ASCC1: variants seen among roughly 807,000 people sequenced by gnomAD.
ASCC1 encodes the protein activating signal cointegrator 1 complex subunit 1, also known as ASC-1 complex subunit P50.
Under a neutral mutation model 46.6 loss-of-function variants are expected in ASCC1, and 35 were observed. That is an observed-to-expected ratio of 0.75 (90% CI 0.57 to 0.99). The LOEUF (loss-of-function observed/expected upper bound fraction) is 0.99. Ranked by LOEUF, ASCC1 falls within the 50% of genes least tolerant of loss-of-function variation. The pLI, the probability that ASCC1 is intolerant of heterozygous loss-of-function variation, is 0.00. For synonymous variants in ASCC1, 143 were observed against 146.6 expected (o/e 0.98, Z 0.18); for missense variants, 376 against 428.7 (o/e 0.88, Z 1.09).
At chr10:72,105,686 C>G (rs1391765908) in intron 9 of ASCC1, among the ~76,000 whole-genome samples, 1 of 152,140 alleles carries the variant, frequency 6.6e-6, no homozygotes, top group African/African-American at 2.4e-5. Context: ...TCAGTTTGTA[C>G]ATGTTTCTTT....
chr10:72,193,457 CACA>C (rs911107046), intron 5 of ASCC1, among the ~76,000 whole-genome samples: 9 of 151,548 alleles, frequency 5.9e-5, no homozygotes, highest in African/African-American at 1.9e-4. Context: ...CACACACACA[CACA>C]CACACACACA....
intron 5 of ASCC1, among the ~76,000 whole-genome samples, chr10:72,192,055 G>A (rs1854599499): frequency 6.6e-6 from 1 of 151,952 alleles, no homozygotes; most frequent in Non-Finnish European, 1.5e-5. Context: ...ACGAATAAGA[G>A]AATGAAAAGA....
At chr10:72,116,162 A>C (rs1843471764) in intron 9 of ASCC1, among the ~76,000 whole-genome samples, 1 of 152,240 alleles carries the variant, frequency 6.6e-6, no homozygotes, top group African/African-American at 2.4e-5. Flanking sequence ...TTTTTATTTC[A>C]ACATAGTTTT....
At chr10:72,109,451 G>C (rs1379685900) in intron 9 of ASCC1, among the ~76,000 whole-genome samples, 1 of 152,186 alleles carries the variant, frequency 6.6e-6, no homozygotes, top group African/African-American at 2.4e-5. Context: ...TCACCTGCCT[G>C]TCTTGCTGCA....
In ASCC1 at chr10:72,112,266, A is replaced by C. The variant is rs138168464; in HGVS notation, c.958-14816T>G. ...CCTTAATAAGGAATGAAATTCTGACATATGCTACAACATAGGTGAACCTTG... is the reference window on the plus strand; with the variant it reads ...CCTTAATAAGGAATGAAATTCTGACCTATGCTACAACATAGGTGAACCTTG... On this transcript the variant is annotated intron_variant, in intron 9 of 9. Transcript: ENST00000672957. Among the ~76,000 whole-genome samples the C allele has an allele frequency of 1.7e-4, 26 of 152,366 alleles. No individual in the cohort carries two copies. The East Asian group carries it at 5.0e-3, about 29-fold the overall frequency.
chr10:72,130,083 T>C (rs1845414523), intron 8 of ASCC1, among the ~76,000 whole-genome samples: 1 of 151,018 alleles, frequency 6.6e-6, no homozygotes, highest in Non-Finnish European at 1.5e-5. Context: ...TTATGCTAAG[T>C]GAAAGCAGCC....
At chr10:72,155,835 C>G (rs914554507) in intron 6 of ASCC1, among the ~76,000 whole-genome samples, 27 of 152,128 alleles carry the variant, frequency 1.8e-4, no homozygotes, top group Admixed American at 6.5e-5. Context: ...TTCTCCAAAC[C>G]CCAAGGGGAT....
At chr10:72,189,885 A>ATT in intron 5 of ASCC1, 1 of 624,412 alleles carries the variant, frequency 1.6e-6, no homozygotes, top group South Asian at 1.8e-5. Flanking sequence ...TGTCTTCACT[A>ATT]TAAGATTAAG....
At chr10:72,114,385 G>C (rs535108286) in intron 9 of ASCC1, among the ~76,000 whole-genome samples, 3 of 152,272 alleles carry the variant, frequency 2.0e-5, no homozygotes, top group African/African-American at 7.2e-5. Flanking sequence ...CAGCATTTTG[G>C]GAGGCCGAGG....
At chr10:72,165,925 T>C (rs886779911) in intron 5 of ASCC1, among the ~76,000 whole-genome samples, 1 of 152,244 alleles carries the variant, frequency 6.6e-6, no homozygotes, top group African/African-American at 2.4e-5. Flanking sequence ...TGTTGGGCCC[T>C]TGCTCTGCTC....
rs1668154 is a variant in ASCC1 at position 72,102,274 on chromosome 10, C to T, written c.958-4824G>A. 0.41 allele frequency: 588,519 copies of T among 1,437,430 alleles called. 124,738 individuals carry two copies. Among genetic ancestry groups the T allele is most frequent in the Middle Eastern group, 0.48 (2,800 of 5,776 alleles). The allele number at this position is 1,437,430 out of a possible 1,614,324, so 89.0% of individuals were successfully genotyped here. A position where few individuals can be genotyped will look rare whatever the true frequency, so the allele number is the denominator to read the frequency against. ...GTAACAGAACATTTTTGAAAGGGAG[C>T]TACTTCATGGGGAAAACAACAAGTT... On this transcript the variant is annotated intron_variant, in intron 9 of 9. Coordinates refer to ENST00000672957, the MANE Select transcript of ASCC1 (RefSeq NM_001198800.3).
chr10:72,180,989 C>CA (rs942504479), intron 5 of ASCC1: 1 of 161,526 alleles, frequency 6.2e-6, no homozygotes, highest in African/African-American at 2.4e-5. Flanking sequence ...TTTTTGGAGA[C>CA]AGAGTCTCAC....
intron 5 of ASCC1, among the ~76,000 whole-genome samples, chr10:72,164,152 G>T (rs1850054989): frequency 6.6e-6 from 1 of 151,818 alleles, no homozygotes; most frequent in Non-Finnish European, 1.5e-5. Context: ...TTGTAGACAG[G>T]GTTTTTACCA....
intron 6 of ASCC1, among the ~76,000 whole-genome samples, chr10:72,161,039 C>A (rs1483886957): frequency 6.6e-6 from 1 of 151,816 alleles, no homozygotes; most frequent in South Asian, 2.1e-4. Context: ...GCCGAGATTG[C>A]GCCACTGCAC....
At chr10:72,148,968 G>A (rs1214369813) in intron 7 of ASCC1, among the ~76,000 whole-genome samples, 2 of 152,102 alleles carry the variant, frequency 1.3e-5, no homozygotes, top group African/African-American at 4.8e-5. Flanking sequence ...GTATCTGTGA[G>A]GCTGGATTTT....
At chr10:72,109,771 A>G (rs886515199) in intron 9 of ASCC1, among the ~76,000 whole-genome samples, 2 of 152,222 alleles carry the variant, frequency 1.3e-5, no homozygotes, top group Non-Finnish European at 2.9e-5. Flanking sequence ...GCAGTCTTTC[A>G]ATTTTGAAAA....
chr10:72,124,548 T>C (rs538725552), intron 9 of ASCC1, among the ~76,000 whole-genome samples: 2 of 152,296 alleles, frequency 1.3e-5, no homozygotes, highest in South Asian at 4.1e-4. Flanking sequence ...ATACTGATTC[T>C]ATTGCTTAAG....
At chr10:72,125,541 C>T (rs1339975207) in intron 9 of ASCC1, among the ~76,000 whole-genome samples, 6 of 152,264 alleles carry the variant, frequency 3.9e-5, no homozygotes, top group East Asian at 1.9e-4. Context: ...TTGAGAAAGA[C>T]GTGTCCATTC....
rs7092515 is a variant in ASCC1, at chr10:72,127,328, A to G, written c.957+754T>C. ...AGAAGGCATAAATCATGAATATTAC[A>G]GAAGGGTAGTCTGTTAGAGAAAGAC... On this transcript the variant is annotated intron_variant, in intron 9 of 9. Coordinates refer to ENST00000672957, the MANE Select transcript of ASCC1 (RefSeq NM_001198800.3). Among the ~76,000 whole-genome samples, 441 of 152,342 alleles carry G rather than the reference A, an allele frequency of 2.9e-3. 2 individuals are homozygous for G. Among genetic ancestry groups the G allele is most frequent in the African/African-American group, 0.01 (419 of 41,580 alleles).
Sources: allele counts gnomAD v4.1 joint callset (sites outside exome capture counted in the v4.1 genomes callset), GRCh38; gene constraint gnomAD v4.1.1; transcripts MANE v1.5; gene names NCBI Gene and HGNC (gene_info 2026-07-23, HGNC 2026-07-21).